Variants in SMS observed in about 807,000 individuals in gnomAD.
SMS encodes the protein spermine synthase.
In SMS, 3 loss-of-function variants were observed where a neutral mutation model predicts 33.0. That is an observed-to-expected ratio of 0.09 (90% CI 0.04 to 0.23). SMS has a LOEUF of 0.23. SMS is among the 10% of genes least tolerant of loss of function. The probability of loss-of-function intolerance (pLI) is 1.00; values close to 1 mark genes in which losing one functional copy is unlikely to be tolerated. For synonymous variants in SMS, 103 were observed against 112.2 expected (o/e 0.92, Z 0.52); for missense variants, 117 against 288.6 (o/e 0.41, Z 4.31).
chrX:21,965,682 A>C (rs1464147759), intron 1 of SMS, among the ~76,000 whole-genome samples: 2 of 107,614 alleles, frequency 1.9e-5, no homozygotes, highest in East Asian at 5.7e-4. Context: ...TGGAAGGCGG[A>C]GCTTGCAGTG....
intron 1 of SMS, among the ~76,000 whole-genome samples, chrX:21,954,034 G>A (rs1450414942): frequency 1.8e-5 from 2 of 110,561 alleles, no homozygotes; most frequent in African/African-American, 6.5e-5. Context: ...TCTCTAGTAT[G>A]CAGTTTCTGT....
intron 5 of SMS, among the ~76,000 whole-genome samples, chrX:21,977,617 C>A (rs755831639): frequency 8.9e-6 from 1 of 112,225 alleles, no homozygotes; most frequent in South Asian, 3.7e-4. Flanking sequence ...TACCTAAACC[C>A]CAGTCCACTT....
At chrX:21,962,783 G>A (rs996861518) in intron 1 of SMS, among the ~76,000 whole-genome samples, 18 of 111,430 alleles carry the variant, frequency 1.6e-4, no homozygotes, top group African/African-American at 4.9e-4. Context: ...AGCCTCCTGG[G>A]TAGCTGGGAC....
intron 4 of SMS, among the ~76,000 whole-genome samples, chrX:21,975,271 T>C (rs913163118): frequency 9.0e-6 from 1 of 111,328 alleles, no homozygotes; most frequent in African/African-American, 3.3e-5. Context: ...GGTTGAGCAC[T>C]TCATCAGGGT....
chrX:21,943,078 C>G (rs1449938972), intron 1 of SMS, among the ~76,000 whole-genome samples: 1 of 110,928 alleles, frequency 9.0e-6, no homozygotes, highest in Non-Finnish European at 1.9e-5. Flanking sequence ...AACTCCTGGC[C>G]TCAAGCGATC....
At chrX:21,944,544 A>AAAAAAAAAAAAAAAAAAAAAAAAAAG (rs1555992699) in intron 1 of SMS, among the ~76,000 whole-genome samples, 4 of 99,042 alleles carry the variant, frequency 4.0e-5, no homozygotes, top group Admixed American at 1.4e-4. Context: ...AAAAAAAAAA[A>AAAAAAAAAAAAAAAAAAAAAAAAAAG]AGAAAAAAAA....
chrX:21,956,503 C>T (rs1255160590), intron 1 of SMS, among the ~76,000 whole-genome samples: 2 of 109,748 alleles, frequency 1.8e-5, no homozygotes, highest in Non-Finnish European at 3.8e-5. Context: ...GAGTCTTGCT[C>T]TTGTCACCCA....
chrX:21,966,880 C>T (rs895922295), intron 1 of SMS, among the ~76,000 whole-genome samples: 2 of 110,181 alleles, frequency 1.8e-5, no homozygotes, highest in African/African-American at 6.6e-5. Context: ...GTTATGCTGT[C>T]TCTAGGCTGA....
At chrX:21,977,926 A>G (rs1370382827) in intron 5 of SMS, 34 bp from the exon 6 acceptor site, 18 of 1,196,183 alleles carry the variant, frequency 1.5e-5, no homozygotes, top group Non-Finnish European at 1.8e-5. Flanking sequence ...GTGTTAAGGT[A>G]GACTCACCAT....
intron 2 of SMS, among the ~76,000 whole-genome samples, chrX:21,968,089 G>A (rs764503382): frequency 1.8e-5 from 2 of 112,157 alleles, no homozygotes; most frequent in East Asian, 5.7e-4. Flanking sequence ...AGGCCTTCTC[G>A]CTGCAGGATG....
At chrX:21,979,880 T>G (rs993568262) in intron 7 of SMS, among the ~76,000 whole-genome samples, 3 of 107,820 alleles carry the variant, frequency 2.8e-5, no homozygotes, top group Admixed American at 1.0e-4. Context: ...TTCCTGACTT[T>G]TTAATGATGG....
At chrX:21,960,657 C>T (rs767847415) in intron 1 of SMS, among the ~76,000 whole-genome samples, 75 of 112,140 alleles carry the variant, frequency 6.7e-4, no homozygotes, top group Non-Finnish European at 1.1e-3. Flanking sequence ...ATGACCTTGA[C>T]CATGAGAGAG....
chrX:21,974,093 C>G (rs976170391), intron 4 of SMS, among the ~76,000 whole-genome samples: 2 of 112,504 alleles, frequency 1.8e-5, no homozygotes, highest in Non-Finnish European at 3.8e-5. Context: ...GGGACTTCCT[C>G]ATTGCTGAGC....
At chrX:21,943,196 C>T (rs767695308) in intron 1 of SMS, among the ~76,000 whole-genome samples, 1 of 100,460 alleles carries the variant, frequency 1.0e-5, no homozygotes, top group South Asian at 3.8e-4. Flanking sequence ...CAGCATGGAG[C>T]CCAAAGACTC....
Position 21,978,132 on chromosome X carries a change from A to G in SMS, c.660+18A>G. On this transcript the variant is annotated intron_variant, in intron 6 of 10. Transcript: ENST00000404933. ...TGGTAGAGATATCCTTTGTTGTATA[A>G]GAGAACAAGTTCAGTGGGCTTCTTT... is the stretch of plus-strand genomic sequence containing the variant. 8.4e-7 allele frequency: 1 copy of G among 1,197,412 alleles called. No individual in the cohort carries two copies. Among genetic ancestry groups the G allele is most frequent in the Non-Finnish European group, 1.1e-6 (1 of 882,117 alleles).
At chrX:21,988,662 C>CTAAAAAAAAAAAAA (rs1925538660) in intron 9 of SMS, among the ~76,000 whole-genome samples, 1 of 66,156 alleles carries the variant, frequency 1.5e-5, no homozygotes, top group African/African-American at 5.4e-5. Context: ...GACTCTGTCT[C>CTAAAAAAAAAAAAA]AAAAAAAAAA....
At chrX:21,953,890 A>ATTT (rs10599284) in intron 1 of SMS, among the ~76,000 whole-genome samples, 7 of 90,137 alleles carry the variant, frequency 7.8e-5, no homozygotes, top group South Asian at 1.1e-3. Context: ...AATTTTATTG[A>ATTT]TTTTTTTTTT....
intron 1 of SMS, among the ~76,000 whole-genome samples, chrX:21,952,356 A>C (rs2147492999): frequency 9.1e-6 from 1 of 109,829 alleles, no homozygotes; most frequent in African/African-American, 3.3e-5. Context: ...TTTTTGCATA[A>C]ATTAATATAA....
chrX:21,990,721 A>G lies in SMS; in HGVS notation c.946-1876A>G, dbSNP rs140432914. Among the ~76,000 whole-genome samples the G allele has an allele frequency of 7.3e-3, 829 of 112,812 alleles. 2 individuals carry two copies. Among genetic ancestry groups the G allele is most frequent in the Non-Finnish European group, 0.012 (660 of 53,342 alleles). ...TCTATAAAGAGAGAGTGTGGTGTCA[A>G]TTTTAAGATGGCAAAGCCATTTACT... On this transcript the variant is annotated intron_variant, in intron 9 of 10. Transcript: ENST00000404933.
Sources: allele counts gnomAD v4.1 joint callset (sites outside exome capture counted in the v4.1 genomes callset), GRCh38; gene constraint gnomAD v4.1.1; transcripts MANE v1.5; gene names NCBI Gene and HGNC (gene_info 2026-07-23, HGNC 2026-07-21).